Variants in DAB1 observed in about 807,000 individuals in gnomAD.
DAB1 encodes the protein disabled homolog 1.
DAB1 carries 15 observed loss-of-function variants against 64.6 expected under a neutral mutation model. That is an observed-to-expected ratio of 0.23 (90% confidence interval 0.16 to 0.36). DAB1 has a LOEUF of 0.36. DAB1 is among the 10% of genes least tolerant of loss of function. The pLI, the probability that DAB1 is intolerant of heterozygous loss-of-function variation, is 1.00. For missense variants in DAB1, 596 were observed against 706.7 expected (o/e 0.84, Z 1.78); for synonymous variants, 235 against 251.9 (o/e 0.93, Z 0.64).
intron 6 of DAB1, among the ~76,000 whole-genome samples, chr1:57,786,102 A>G (rs1650324651): frequency 6.6e-6 from 1 of 152,198 alleles, no homozygotes; most frequent in African/African-American, 2.4e-5. Flanking sequence ...GAAGGTTCTG[A>G]TGAACATTCA....
intron 6 of DAB1, among the ~76,000 whole-genome samples, chr1:57,721,296 T>C (rs1002078658): frequency 2.6e-5 from 4 of 152,190 alleles, no homozygotes; most frequent in Admixed American, 6.5e-5. Flanking sequence ...AAATGCAGCA[T>C]CTTTGGATGT....
intron 4 of DAB1, among the ~76,000 whole-genome samples, chr1:58,324,367 C>T (rs80282863): frequency 0.02 from 3,023 of 152,244 alleles, 113 homozygotes; most frequent in African/African-American, 0.07. Context: ...TGAATATCTT[C>T]GGGTCTCAGC....
chr1:58,422,380 C>T (rs542124150), intron 3 of DAB1, among the ~76,000 whole-genome samples: 9 of 151,730 alleles, frequency 5.9e-5, no homozygotes, highest in Non-Finnish European at 1.3e-4. Context: ...CTAGTTGAGA[C>T]AAAAATGGAA....
chr1:57,137,768 G>C lies in DAB1; in HGVS notation c.208-1127C>G, dbSNP rs1658258421. On this transcript the variant is annotated intron_variant, in intron 3 of 14. Coordinates refer to ENST00000371236, the MANE Select transcript of DAB1 (RefSeq NM_001365792.1). ...ATTTCCAGGAGACAAAAAGTACTAT[G>C]TGCTATTCTCAGCATCAGTTTTGGG... 2.0e-5 allele frequency among the ~76,000 whole-genome samples: 3 copies of C among 152,186 alleles called. No individual in the cohort carries two copies. The South Asian group carries it at 6.2e-4, about 32-fold the overall frequency.
At chr1:57,259,082 G>A (rs1669981348) in intron 2 of DAB1, among the ~76,000 whole-genome samples, 1 of 152,172 alleles carries the variant, frequency 6.6e-6, no homozygotes. Flanking sequence ...ACTGGCATCT[G>A]GCTAATGTTA....
chr1:58,152,309 T>C (rs547125008), intron 4 of DAB1, among the ~76,000 whole-genome samples: 1 of 152,236 alleles, frequency 6.6e-6, no homozygotes, highest in African/African-American at 2.4e-5. Context: ...ATTTGCCTAA[T>C]AAGATCCCTA....
intron 4 of DAB1, among the ~76,000 whole-genome samples, chr1:58,291,334 CTCTTTCTCTTT>C (rs1226204379): frequency 6.6e-6 from 1 of 152,168 alleles, no homozygotes; most frequent in Non-Finnish European, 1.5e-5. Flanking sequence ...GCCTTCTCTT[CTCTTTCTCTTT>C]CTCACCTTCA....
chr1:58,297,882 G>A (rs1662029762), intron 4 of DAB1, among the ~76,000 whole-genome samples: 2 of 152,144 alleles, frequency 1.3e-5, no homozygotes, highest in Admixed American at 1.3e-4. Flanking sequence ...TTTGGACAAG[G>A]TGCTTGGAGA....
chr1:57,920,304 G>T (rs559743841), intron 5 of DAB1, among the ~76,000 whole-genome samples: 1 of 152,134 alleles, frequency 6.6e-6, no homozygotes, highest in East Asian at 1.9e-4. Context: ...ATCTAAGTGT[G>T]GGCTTGGAAA....
chr1:58,234,940 T>C (rs1467847859), intron 4 of DAB1, among the ~76,000 whole-genome samples: 3 of 152,212 alleles, frequency 2.0e-5, no homozygotes, highest in East Asian at 1.9e-4. Context: ...ATTTATCTGG[T>C]TGAAGGAAAA....
At chr1:57,821,247 G>T (rs1317538311), downstream of DAB1, among the ~76,000 whole-genome samples, 1 of 152,008 alleles carries the variant, frequency 6.6e-6, no homozygotes, top group Admixed American at 6.6e-5. Flanking sequence ...TAATGATGCA[G>T]CCAGCACGTA....
intron 5 of DAB1, among the ~76,000 whole-genome samples, chr1:58,140,118 C>A (rs1654195542): frequency 6.6e-6 from 1 of 152,242 alleles, no homozygotes; most frequent in South Asian, 2.1e-4. Flanking sequence ...CTTTTTTCTT[C>A]AACATTTGCC....
chr1:57,259,521 T>C (rs1305021544), intron 2 of DAB1, among the ~76,000 whole-genome samples: 1 of 152,136 alleles, frequency 6.6e-6, no homozygotes, highest in East Asian at 1.9e-4. Flanking sequence ...GAACCACATG[T>C]GCAAAGACTT....
At chr1:57,927,796 T>G (rs537668706) in intron 5 of DAB1, among the ~76,000 whole-genome samples, 1 of 152,232 alleles carries the variant, frequency 6.6e-6, no homozygotes, top group Non-Finnish European at 1.5e-5. Flanking sequence ...GGCTACTAAT[T>G]GTTTAAGGAA....
At chr1:57,421,914 T>TGGGGGGGGGGGGGGGGGGGGG (rs1684932712) in intron 1 of DAB1, among the ~76,000 whole-genome samples, 1 of 11,472 alleles carries the variant, frequency 8.7e-5, no homozygotes, top group African/African-American at 3.9e-4. Flanking sequence ...GGGGGGGGGG[T>TGGGGGGGGGGGGGGGGGGGGG]GGCGGGGGGG....
At chr1:57,316,609 C>A (rs146558237) in intron 1 of DAB1, among the ~76,000 whole-genome samples, 1 of 151,838 alleles carries the variant, frequency 6.6e-6, no homozygotes, top group Non-Finnish European at 1.5e-5. Context: ...AGCCTCTGCT[C>A]GGATGTCTCA....
intron 7 of DAB1, among the ~76,000 whole-genome samples, chr1:57,444,302 A>G (rs1686057771): frequency 6.6e-6 from 1 of 152,184 alleles, no homozygotes; most frequent in South Asian, 2.1e-4. Flanking sequence ...CCCTTAATAG[A>G]TCTAAATAGA....
At chr1:57,034,300 C>G (rs1647064321) in intron 9 of DAB1, among the ~76,000 whole-genome samples, 1 of 99,176 alleles carries the variant, frequency 1.0e-5, no homozygotes, top group Non-Finnish European at 2.0e-5. Context: ...AAGAAATGCT[C>G]CTCCCCTCAT....
chr1:58,171,573 A>G (rs1283363468), intron 4 of DAB1, among the ~76,000 whole-genome samples: 2 of 152,228 alleles, frequency 1.3e-5, no homozygotes, highest in Non-Finnish European at 2.9e-5. Context: ...CTGGACCTCA[A>G]GGATGCCTTA....
Sources: allele counts gnomAD v4.1 joint callset (sites outside exome capture counted in the v4.1 genomes callset), GRCh38; gene constraint gnomAD v4.1.1; transcripts MANE v1.5; gene names NCBI Gene and HGNC (gene_info 2026-07-23, HGNC 2026-07-21).